The following NELL1 variants were observed in gnomAD, a reference collection of about 807,000 sequenced individuals.
NELL1 encodes neural EGFL like 1.
In NELL1, 76 loss-of-function variants were observed where a neutral mutation model predicts 107.4. That is an observed-to-expected ratio of 0.71 (90% CI 0.59 to 0.86). The LOEUF (loss-of-function observed/expected upper bound fraction) is 0.86. Among genes scored for constraint, NELL1 ranks in the 40% least tolerant of loss-of-function variants. NELL1 has a pLI of 0.00. For missense variants in NELL1, 1,024 were observed against 1,005.5 expected (o/e 1.02, Z -0.25); for synonymous variants, 353 against 341.2 (o/e 1.03, Z -0.38).
intron 2 of NELL1, among the ~76,000 whole-genome samples, chr11:20,733,810 T>G (rs1406246235): frequency 6.6e-6 from 1 of 152,242 alleles, no homozygotes; most frequent in African/African-American, 2.4e-5. Context: ...GTGTCTACTC[T>G]TTACTAGTTA....
intron 16 of NELL1, among the ~76,000 whole-genome samples, chr11:21,544,530 TAGGTA>T: frequency 6.6e-6 from 1 of 152,064 alleles, no homozygotes; most frequent in East Asian, 1.9e-4. Context: ...AGGTATTTTA[TAGGTA>T]TAATAATAAA....
chr11:21,219,677 T>C (rs1282356046), intron 13 of NELL1, among the ~76,000 whole-genome samples: 1 of 152,202 alleles, frequency 6.6e-6, no homozygotes, highest in East Asian at 1.9e-4. Context: ...AGGGGTCTAA[T>C]TTCATTTTTC....
intron 17 of NELL1, among the ~76,000 whole-genome samples, chr11:21,569,767 T>C (rs958911063): frequency 3.9e-5 from 6 of 151,920 alleles, no homozygotes; most frequent in African/African-American, 1.4e-4. Flanking sequence ...CTGAATTCTC[T>C]CCATAGTGAT....
chr11:21,235,447 T>C (rs1312184682), intron 14 of NELL1, among the ~76,000 whole-genome samples: 1 of 152,144 alleles, frequency 6.6e-6, no homozygotes, highest in Admixed American at 6.6e-5. Flanking sequence ...GAAGAATCTT[T>C]GCAGCAAGTG....
chr11:20,806,291 T>C (rs1467628006), intron 3 of NELL1, among the ~76,000 whole-genome samples: 6 of 151,966 alleles, frequency 3.9e-5, no homozygotes, highest in African/African-American at 1.4e-4. Context: ...TGTGTTTGTG[T>C]TTGTGTTTGC....
intron 14 of NELL1, among the ~76,000 whole-genome samples, chr11:21,229,860 C>T (rs1624275): frequency 0.98 from 149,608 of 152,232 alleles, 73,558 homozygotes; most frequent in Middle Eastern, 1. Flanking sequence ...CCTTGCTCAG[C>T]GTCTGGGAGC....
At chr11:21,518,152 AG>A (rs1855620436) in intron 15 of NELL1, among the ~76,000 whole-genome samples, 2 of 146,038 alleles carry the variant, frequency 1.4e-5, no homozygotes, top group African/African-American at 5.0e-5. Context: ...AAAAAAAAAA[AG>A]GTGCTGATTT....
chr11:20,772,613 T>TTTCATTCATTCATTAA (rs1554917630), intron 2 of NELL1, among the ~76,000 whole-genome samples: 2 of 150,818 alleles, frequency 1.3e-5, no homozygotes, highest in Non-Finnish European at 1.5e-5. Context: ...ATTAGGCACT[T>TTTCATTCATTCATTAA]TTCATTCATT....
chr11:20,874,109 C>G (rs1030595721), intron 4 of NELL1, among the ~76,000 whole-genome samples: 4 of 152,026 alleles, frequency 2.6e-5, no homozygotes, highest in Admixed American at 1.3e-4. Context: ...CTCTTGTTGC[C>G]CAGGCTGGAG....
At chr11:21,254,291 A>G (rs1390499013) in intron 14 of NELL1, among the ~76,000 whole-genome samples, 1 of 152,124 alleles carries the variant, frequency 6.6e-6, no homozygotes, top group African/African-American at 2.4e-5. Flanking sequence ...TAGAACATTC[A>G]TAATGGTACC....
chr11:21,486,394 A>G (rs1448599846), intron 15 of NELL1, among the ~76,000 whole-genome samples: 1 of 152,236 alleles, frequency 6.6e-6, no homozygotes, highest in Non-Finnish European at 1.5e-5. Flanking sequence ...AGGAAATCAT[A>G]CAAAGACTGA....
intron 12 of NELL1, among the ~76,000 whole-genome samples, chr11:21,035,311 A>G (rs7939494): frequency 0.024 from 3,582 of 152,136 alleles, 140 homozygotes; most frequent in African/African-American, 0.081. Flanking sequence ...AGAAGAGCTG[A>G]TACTATTCCC....
chr11:21,552,123 TC>T (rs1281340386), intron 16 of NELL1, among the ~76,000 whole-genome samples: 1 of 117,164 alleles, frequency 8.5e-6, no homozygotes, highest in African/African-American at 3.3e-5. Context: ...AACATCACTC[TC>T]TGGGGACTGT....
chr11:21,365,160 T>C (rs1161903374), intron 14 of NELL1, among the ~76,000 whole-genome samples: 1 of 152,194 alleles, frequency 6.6e-6, no homozygotes, highest in Non-Finnish European at 1.5e-5. Context: ...ATTTATCACA[T>C]TTTATTATGC....
intron 12 of NELL1, among the ~76,000 whole-genome samples, chr11:21,010,503 T>C (rs1418379307): frequency 2.0e-5 from 3 of 152,042 alleles, no homozygotes; most frequent in Non-Finnish European, 4.4e-5. Context: ...AATAGACCAG[T>C]GTGCAAAATC....
intron 12 of NELL1, among the ~76,000 whole-genome samples, chr11:21,092,135 G>A (rs1854536245): frequency 6.6e-6 from 1 of 152,126 alleles, no homozygotes; most frequent in South Asian, 2.1e-4. Flanking sequence ...TCATTTTCTT[G>A]GTTCAAATCT....
At chr11:21,395,336 G>A (rs143957349) in intron 15 of NELL1, among the ~76,000 whole-genome samples, 2 of 151,522 alleles carry the variant, frequency 1.3e-5, no homozygotes, top group African/African-American at 4.8e-5. Flanking sequence ...GTAATAAGGT[G>A]AGGTGGTTTG....
intron 4 of NELL1, among the ~76,000 whole-genome samples, chr11:20,863,988 A>G (rs956939961): frequency 1.3e-5 from 2 of 152,134 alleles, no homozygotes; most frequent in African/African-American, 2.4e-5. Context: ...CGCGCCTGCA[A>G]TCGCAGGCAC....
At chr11:21,141,812 G>A (rs1234718835) in intron 13 of NELL1, among the ~76,000 whole-genome samples, 1 of 151,738 alleles carries the variant, frequency 6.6e-6, no homozygotes, top group Non-Finnish European at 1.5e-5. Context: ...CGCCCAGGCT[G>A]GATTGCAATG....
Sources: gnomAD v4.1 joint callset for allele counts (sites outside exome capture counted in the v4.1 genomes callset) on GRCh38, gnomAD v4.1.1 for gene constraint, MANE v1.5 for transcripts, NCBI Gene and HGNC (gene_info 2026-07-23, HGNC 2026-07-21) for gene names.